The following CNBD1 variants were observed in gnomAD, a reference collection of about 807,000 sequenced individuals.
CNBD1 encodes the protein cyclic nucleotide binding domain containing 1, also known as cyclic nucleotide-binding domain-containing protein 1.
A neutral mutation model predicts 54.4 loss-of-function variants in CNBD1; 71 were observed. That is an observed-to-expected ratio of 1.30 (90% CI 1.08 to 1.59). The LOEUF (loss-of-function observed/expected upper bound fraction) is 1.59. CNBD1 is among the 40% of genes most tolerant of loss of function. The probability of loss-of-function intolerance (pLI) is 0.00; values close to 1 mark genes in which losing one functional copy is unlikely to be tolerated. For missense variants in CNBD1, 659 were observed against 518.0 expected (o/e 1.27, Z -2.64); for synonymous variants, 182 against 170.7 (o/e 1.07, Z -0.51).
intron 4 of CNBD1, among the ~76,000 whole-genome samples, chr8:87,172,896 T>G (rs1412467648): frequency 1.3e-5 from 2 of 152,136 alleles, no homozygotes; most frequent in Non-Finnish European, 2.9e-5. Flanking sequence ...TAACTAAGGA[T>G]CTAATTCCTT....
intron 4 of CNBD1, among the ~76,000 whole-genome samples, chr8:87,051,090 C>T (rs1442546593): frequency 6.6e-6 from 1 of 152,162 alleles, no homozygotes; most frequent in East Asian, 1.9e-4. Context: ...TAGAATATCC[C>T]TGCCTAGCAA....
intron 4 of CNBD1, among the ~76,000 whole-genome samples, chr8:87,085,903 T>C (rs1811085839): frequency 6.6e-6 from 1 of 152,120 alleles, no homozygotes; most frequent in Admixed American, 6.5e-5. Context: ...TTTATTTGTC[T>C]CCTTACCTTA....
intron 1 of CNBD1, among the ~76,000 whole-genome samples, chr8:86,887,242 T>C (rs996101728): frequency 5.9e-5 from 9 of 152,188 alleles, no homozygotes; most frequent in South Asian, 4.1e-4. Flanking sequence ...GGATAGGGAT[T>C]CTGCATGGCT....
chr8:87,334,719 C>CTTTTTTTTTTTTTTTTTTTTT (rs758083191), intron 8 of CNBD1, among the ~76,000 whole-genome samples: 2 of 126,160 alleles, frequency 1.6e-5, no homozygotes, highest in African/African-American at 3.1e-5. Context: ...TTTCTTTTTT[C>CTTTTTTTTTTTTTTTTTTTTT]TTTTCTTTTT....
intron 6 of CNBD1, among the ~76,000 whole-genome samples, chr8:87,279,589 T>C (rs924283282): frequency 6.6e-6 from 1 of 151,396 alleles, no homozygotes; most frequent in Non-Finnish European, 1.5e-5. Context: ...GTAGGCAAAG[T>C]AGATTTTATT....
intron 4 of CNBD1, among the ~76,000 whole-genome samples, chr8:87,020,341 C>T (rs76933062): frequency 0.01 from 1,581 of 152,082 alleles, 23 homozygotes; most frequent in Middle Eastern, 0.034. Flanking sequence ...AAACTATTAC[C>T]ACCAATCAGA....
At chr8:87,012,134 A>G (rs963452434) in intron 4 of CNBD1, among the ~76,000 whole-genome samples, 2 of 152,238 alleles carry the variant, frequency 1.3e-5, no homozygotes, top group Non-Finnish European at 2.9e-5. Flanking sequence ...GTGAACACTG[A>G]AAAATGGCTT....
intron 3 of CNBD1, among the ~76,000 whole-genome samples, chr8:86,925,524 T>TCC (rs1809344007): frequency 7.0e-6 from 1 of 142,792 alleles, no homozygotes; most frequent in Non-Finnish European, 1.5e-5. Context: ...TGTGTGTGTG[T>TCC]GTCCCTGTCT....
chr8:87,100,596 CTTCTGAGTAGCTGGGG>C (rs1302689679), intron 4 of CNBD1, among the ~76,000 whole-genome samples: 14 of 152,096 alleles, frequency 9.2e-5, no homozygotes, highest in African/African-American at 3.1e-4. Flanking sequence ...CTGTCTCAGC[CTTCTGAGTAGCTGGGG>C]TTACAGGCAC....
intron 1 of CNBD1, among the ~76,000 whole-genome samples, chr8:86,874,986 T>TTTTATATATATATA (rs1304865331): frequency 1.2e-3 from 147 of 120,038 alleles, no homozygotes; most frequent in African/African-American, 4.4e-3. Context: ...GTAAATCAAT[T>TTTTATATATATATA]TATATATATA....
intron 4 of CNBD1, among the ~76,000 whole-genome samples, chr8:87,022,694 A>G (rs975153758): frequency 5.9e-5 from 9 of 152,224 alleles, no homozygotes; most frequent in African/African-American, 2.2e-4. Context: ...TACTGAAACC[A>G]TGGTAATGAA....
intron 4 of CNBD1, among the ~76,000 whole-genome samples, chr8:87,110,243 G>T (rs62527280): frequency 0.47 from 71,930 of 151,956 alleles, 18,139 homozygotes; most frequent in African/African-American, 0.66. Flanking sequence ...TAATGCTAGG[G>T]TTCCTCCCTT....
intron 4 of CNBD1, among the ~76,000 whole-genome samples, chr8:87,122,116 A>G (rs916782744): frequency 6.6e-6 from 1 of 151,570 alleles, no homozygotes; most frequent in Non-Finnish European, 1.5e-5. Context: ...TGGTAGTTCT[A>G]TTTTTAGTTT....
chr8:87,331,939 T>C (rs560044868), intron 8 of CNBD1, among the ~76,000 whole-genome samples: 2 of 152,226 alleles, frequency 1.3e-5, no homozygotes, highest in Non-Finnish European at 2.9e-5. Flanking sequence ...TTGTTTAAAT[T>C]CCCTGTAAAT....
chr8:87,353,910 G>A (rs1368424846), intron 10 of CNBD1, 124 bp downstream of exon 10: 3 of 628,526 alleles, frequency 4.8e-6, no homozygotes, highest in East Asian at 3.0e-5. Context: ...TGCAAAGGAT[G>A]GAGTATTTGC....
At chr8:87,011,138 T>C (rs1315987337) in intron 4 of CNBD1, among the ~76,000 whole-genome samples, 2 of 151,962 alleles carry the variant, frequency 1.3e-5, no homozygotes, top group African/African-American at 4.8e-5. Context: ...TGTACTTTTG[T>C]AGGGTTTTCA....
At chr8:86,895,255 T>G (rs1162599071) in intron 2 of CNBD1, among the ~76,000 whole-genome samples, 7 of 62,868 alleles carry the variant, frequency 1.1e-4, no homozygotes, top group Non-Finnish European at 2.4e-4. Context: ...GTGTGCATGG[T>G]GTGTGTGTGT....
chr8:87,420,603 C>T (rs1334336140), intron 2 of CNBD1, among the ~76,000 whole-genome samples: 1 of 152,012 alleles, frequency 6.6e-6, no homozygotes, highest in Admixed American at 6.6e-5. Flanking sequence ...AGAGAGACAA[C>T]CCCATTTCAA....
chr8:87,107,349 T>G (rs1811561626), intron 4 of CNBD1, among the ~76,000 whole-genome samples: 5 of 152,308 alleles, frequency 3.3e-5, no homozygotes, highest in Admixed American at 2.6e-4. Context: ...TAACCTTTGT[T>G]CATTTCTTGA....
Sources: gnomAD v4.1 joint callset for allele counts (sites outside exome capture counted in the v4.1 genomes callset) on GRCh38, gnomAD v4.1.1 for gene constraint, MANE v1.5 for transcripts, NCBI Gene and HGNC (gene_info 2026-07-23, HGNC 2026-07-21) for gene names.